The following ARHGAP6 variants were observed in gnomAD, a reference collection of about 807,000 sequenced individuals.
ARHGAP6 encodes Rho GTPase activating protein 6.
A neutral mutation model predicts 55.7 loss-of-function variants in ARHGAP6; 16 were observed. The observed-to-expected ratio is 0.29, with a 90% confidence interval of 0.19 to 0.44. The LOEUF is 0.44. Ranked by LOEUF, ARHGAP6 falls within the 20% of genes least tolerant of loss-of-function variation. The pLI is 1.00. For missense variants in ARHGAP6, 698 were observed against 808.9 expected, an observed-to-expected ratio of 0.86 and a Z score of 1.66; for synonymous variants, 382 against 360.9, an observed-to-expected ratio of 1.06 and a Z score of -0.66.
At chrX:11,640,868 G>A (rs896078025) in intron 1 of ARHGAP6, among the ~76,000 whole-genome samples, 2 of 111,446 alleles carry the variant, frequency 1.8e-5, no homozygotes, top group Admixed American at 9.5e-5. Flanking sequence ...GAATTGGCAG[G>A]CATCCTTATA....
intron 1 of ARHGAP6, among the ~76,000 whole-genome samples, chrX:11,517,399 G>C (rs758607482): frequency 1.8e-5 from 2 of 111,517 alleles, no homozygotes; most frequent in East Asian, 5.6e-4. Context: ...GTGGATGCGA[G>C]GGTAGGTGAG....
intron 2 of ARHGAP6, among the ~76,000 whole-genome samples, chrX:11,216,717 T>TTC (rs1569259840): frequency 1.1e-4 from 12 of 110,935 alleles, no homozygotes; most frequent in African/African-American, 3.6e-4. Context: ...ATGTAACTTT[T>TTC]TTCTTTTTTT....
rs113979799 is a variant in ARHGAP6 at position 11,505,807 on chromosome X, C to A, written c.588+158434G>T. On this transcript the variant is annotated intron_variant, in intron 1 of 12. Transcript: ENST00000337414. The stretch of plus-strand genomic sequence containing the variant: ...GCAAACTAATGCAGTAACAGAAAAC[C>A]AAATACCACATGTTCTCACTTATAA... Among the ~76,000 whole-genome samples the A allele has an allele frequency of 5.0e-3, 551 of 111,279 alleles. 1 individual carries two copies. The highest frequency in any genetic ancestry group is 7.8e-3 in the African/African-American group (237 of 30,568).
intron 2 of ARHGAP6, among the ~76,000 whole-genome samples, chrX:11,253,644 G>A (rs1602964407): frequency 1.8e-5 from 2 of 112,176 alleles, no homozygotes; most frequent in East Asian, 5.6e-4. Flanking sequence ...GCTCACGCCT[G>A]TAATCCCAGC....
chrX:11,148,876 C>A, intron 10 of ARHGAP6: 1 of 242,138 alleles, frequency 4.1e-6, no homozygotes, highest in South Asian at 4.3e-5. Flanking sequence ...TCTGTTGGAA[C>A]TGAAAGCATT....
At chrX:11,384,494 A>T (rs764801100) in intron 1 of ARHGAP6, among the ~76,000 whole-genome samples, 37 of 112,483 alleles carry the variant, frequency 3.3e-4, no homozygotes, top group Admixed American at 2.0e-3. Context: ...CTCAAGAAAG[A>T]TGTGCATGAC....
chrX:11,267,987 G>A (rs1404542911), intron 1 of ARHGAP6, among the ~76,000 whole-genome samples: 1 of 112,028 alleles, frequency 8.9e-6, no homozygotes, highest in South Asian at 3.7e-4. Flanking sequence ...GAAGAGTTTC[G>A]CTAATCACAA....
intron 1 of ARHGAP6, among the ~76,000 whole-genome samples, chrX:11,279,964 T>C (rs1376849363): frequency 3.6e-5 from 4 of 111,430 alleles, no homozygotes; most frequent in African/African-American, 1.3e-4. Context: ...CTGGGGTGAT[T>C]CTGCCCCTCA....
chrX:11,184,714 CATTA>C (rs753739678), intron 5 of ARHGAP6, among the ~76,000 whole-genome samples: 8 of 112,472 alleles, frequency 7.1e-5, no homozygotes, highest in African/African-American at 2.6e-4. Context: ...ACTGTATGCA[CATTA>C]ATTAATTGAA....
intron 1 of ARHGAP6, among the ~76,000 whole-genome samples, chrX:11,409,747 T>G (rs772699411): frequency 2.7e-5 from 3 of 112,778 alleles, no homozygotes; most frequent in African/African-American, 9.6e-5. Flanking sequence ...AATGTGCCTC[T>G]TGTTTGTTAT....
chrX:11,600,595 T>C (rs894442415), intron 1 of ARHGAP6, among the ~76,000 whole-genome samples: 3 of 111,899 alleles, frequency 2.7e-5, no homozygotes, highest in African/African-American at 9.7e-5. Flanking sequence ...TACCAGAAAG[T>C]TAATGTCCTT....
chrX:11,409,264 C>A (rs942717758), intron 1 of ARHGAP6, among the ~76,000 whole-genome samples: 1 of 111,963 alleles, frequency 8.9e-6, no homozygotes, highest in African/African-American at 3.3e-5. Context: ...TAAAGCATAA[C>A]AGATATAATA....
intron 5 of ARHGAP6, among the ~76,000 whole-genome samples, chrX:11,182,591 C>CTTTTTTCTT (rs2046328049): frequency 9.4e-6 from 1 of 106,290 alleles, no homozygotes; most frequent in African/African-American, 3.4e-5. Flanking sequence ...AATAATCACT[C>CTTTTTTCTT]TTCATTTTCT....
intron 1 of ARHGAP6, among the ~76,000 whole-genome samples, chrX:11,439,876 T>C (rs1428482306): frequency 8.9e-6 from 1 of 112,977 alleles, no homozygotes; most frequent in Non-Finnish European, 1.9e-5. Context: ...CTAAAAACAA[T>C]GTTCCCTTGT....
intron 2 of ARHGAP6, among the ~76,000 whole-genome samples, chrX:11,208,338 G>T (rs1410665489): frequency 9.0e-6 from 1 of 111,148 alleles, no homozygotes; most frequent in African/African-American, 3.3e-5. Context: ...TAGTGACTTC[G>T]ACCCAGTTCA....
chrX:11,255,548 C>T (rs1018022141), intron 1 of ARHGAP6, among the ~76,000 whole-genome samples: 5 of 110,983 alleles, frequency 4.5e-5, no homozygotes, highest in African/African-American at 9.8e-5. Context: ...CTCCCCAAAT[C>T]ATAAAACTTA....
chrX:11,649,041 A>C (rs962131974), intron 1 of ARHGAP6, among the ~76,000 whole-genome samples: 1 of 112,438 alleles, frequency 8.9e-6, no homozygotes, highest in Non-Finnish European at 1.9e-5. Flanking sequence ...AGCTCGTGGC[A>C]GATTAAAGAA....
At chrX:11,406,823 T>A (rs1379399948) in intron 1 of ARHGAP6, among the ~76,000 whole-genome samples, 2 of 111,482 alleles carry the variant, frequency 1.8e-5, no homozygotes, top group Non-Finnish European at 3.8e-5. Context: ...CTGAGAAGAT[T>A]GTTAAGCACA....
intron 5 of ARHGAP6, among the ~76,000 whole-genome samples, chrX:11,182,635 CTTTTTTTTTTT>C (rs1043810466): frequency 1.2e-5 from 1 of 83,131 alleles, no homozygotes; most frequent in Non-Finnish European, 2.4e-5. Flanking sequence ...TTCCTTTTTT[CTTTTTTTTTTT>C]TTTTTTTGAG....
Sources: allele counts gnomAD v4.1 joint callset (sites outside exome capture counted in the v4.1 genomes callset), GRCh38; gene constraint gnomAD v4.1.1; transcripts MANE v1.5; gene names NCBI Gene and HGNC (gene_info 2026-07-23, HGNC 2026-07-21).